FBXW7: variants seen among roughly 807,000 people sequenced by gnomAD.
FBXW7 encodes the protein F-box/WD repeat-containing protein 7.
Under a neutral mutation model 86.3 loss-of-function variants are expected in FBXW7, and 11 were observed. The ratio of observed to expected loss-of-function variants is 0.13; its 90% CI spans 0.08 to 0.21. The LOEUF is 0.21. Among genes scored for constraint, FBXW7 ranks in the 10% least tolerant of loss-of-function variants. FBXW7 has a pLI of 1.00. For missense variants in FBXW7, 488 were observed against 847.4 expected (o/e 0.58, Z 5.27); for synonymous variants, 313 against 297.9 (o/e 1.05, Z -0.52).
intron 4 of FBXW7, among the ~76,000 whole-genome samples, chr4:152,403,568 T>C (rs1156335586): frequency 6.6e-6 from 1 of 151,858 alleles, no homozygotes; most frequent in Non-Finnish European, 1.5e-5. Flanking sequence ...AATTTTTCCA[T>C]GGACAGGGGA....
chr4:152,507,895 A>G (rs989533194), intron 2 of FBXW7, among the ~76,000 whole-genome samples: 2 of 148,402 alleles, frequency 1.3e-5, no homozygotes, highest in African/African-American at 4.9e-5. Flanking sequence ...CTATTGGAGA[A>G]AAAAAAAAAA....
chr4:152,328,118 T>C, intron 11 of FBXW7, 90 bp downstream of exon 11: 3 of 992,292 alleles, frequency 3.0e-6, no homozygotes, highest in East Asian at 2.8e-5. Context: ...AAGAGCACAC[T>C]GTCACTATTT....
At chr4:152,403,596 G>C (rs1472048483) in intron 4 of FBXW7, among the ~76,000 whole-genome samples, 1 of 152,088 alleles carries the variant, frequency 6.6e-6, no homozygotes, top group Non-Finnish European at 1.5e-5. Context: ...GGATGGTTTG[G>C]GATGAAACTG....
chr4:152,359,879 C>G (rs1732765531), intron 4 of FBXW7, among the ~76,000 whole-genome samples: 3 of 152,098 alleles, frequency 2.0e-5, no homozygotes, highest in Admixed American at 2.0e-4. Flanking sequence ...TTTTAATAGT[C>G]TGGGAGTTCA....
At chr4:152,497,943 G>GA (rs1462242544) in intron 2 of FBXW7, among the ~76,000 whole-genome samples, 5 of 151,974 alleles carry the variant, frequency 3.3e-5, no homozygotes, top group African/African-American at 1.2e-4. Flanking sequence ...AACACATCTA[G>GA]AAAAAAACAC....
rs72721615 is a variant in FBXW7 at position 152,422,004 on chromosome 4, A to G, written c.-119-9475T>C. Reference sequence around the variant, plus strand: ...ATTGCCAGAATTACCAAAATGGGACACAGAGACACACAGTGAGCTGCTGGA... The same window carrying G: ...ATTGCCAGAATTACCAAAATGGGACGCAGAGACACACAGTGAGCTGCTGGA... On this transcript the variant is annotated intron_variant, in intron 2 of 13. Transcript: ENST00000281708. 3.6e-3 allele frequency among the ~76,000 whole-genome samples: 543 copies of G among 152,298 alleles called. 6 individuals carry two copies. The highest frequency in any genetic ancestry group is 6.6e-3 in the Non-Finnish European group (449 of 68,012).
At chr4:152,345,587 T>G (rs1171082587) in intron 6 of FBXW7, among the ~76,000 whole-genome samples, 1 of 152,032 alleles carries the variant, frequency 6.6e-6, no homozygotes, top group Non-Finnish European at 1.5e-5. Context: ...AAAAATGTCT[T>G]GAGACACTTT....
intron 2 of FBXW7, among the ~76,000 whole-genome samples, chr4:152,479,147 T>TA (rs1301037572): frequency 6.6e-6 from 1 of 152,144 alleles, no homozygotes; most frequent in Non-Finnish European, 1.5e-5. Flanking sequence ...CAGTTACACA[T>TA]AAGCTGAGCT....
intron 4 of FBXW7, among the ~76,000 whole-genome samples, chr4:152,385,938 G>A (rs1054174684): frequency 6.6e-6 from 1 of 151,808 alleles, no homozygotes; most frequent in South Asian, 2.1e-4. Context: ...ATTTTTTTGG[G>A]AGGATTCAAG....
intron 2 of FBXW7, among the ~76,000 whole-genome samples, chr4:152,441,493 T>C (rs540172070): frequency 1.3e-4 from 20 of 152,226 alleles, no homozygotes; most frequent in South Asian, 6.2e-4. Flanking sequence ...GTCTCATAAA[T>C]AGGAAGAAAG....
intron 2 of FBXW7, among the ~76,000 whole-genome samples, chr4:152,512,866 A>G (rs1748112271): frequency 6.6e-6 from 1 of 152,080 alleles, no homozygotes; most frequent in Non-Finnish European, 1.5e-5. Flanking sequence ...ATATTTATTT[A>G]TTTATTTATT....
intron 2 of FBXW7, among the ~76,000 whole-genome samples, chr4:152,515,501 G>A (rs532250001): frequency 9.8e-5 from 15 of 152,296 alleles, no homozygotes; most frequent in African/African-American, 3.1e-4. Flanking sequence ...TCACAACATA[G>A]CTGTCATTCC....
intron 2 of FBXW7, among the ~76,000 whole-genome samples, chr4:152,459,649 T>G (rs1516820): frequency 5.3e-5 from 8 of 151,954 alleles, no homozygotes; most frequent in African/African-American, 1.7e-4. Flanking sequence ...GACCCCCCAG[T>G]GGATGCTTGA....
At chr4:152,391,743 A>G (rs1356292954) in intron 4 of FBXW7, among the ~76,000 whole-genome samples, 3 of 152,288 alleles carry the variant, frequency 2.0e-5, no homozygotes, top group South Asian at 4.1e-4. Context: ...TGTTACAGAC[A>G]AAACTAAGGC....
At chr4:152,522,586 T>C (rs1749126545) in intron 2 of FBXW7, among the ~76,000 whole-genome samples, 1 of 152,136 alleles carries the variant, frequency 6.6e-6, no homozygotes, top group African/African-American at 2.4e-5. Context: ...TGCTGTCCTA[T>C]ACCTTGTTTA....
chr4:152,418,530 T>A (rs1738656383), intron 2 of FBXW7, among the ~76,000 whole-genome samples: 2 of 152,192 alleles, frequency 1.3e-5, no homozygotes, highest in Admixed American at 1.3e-4. Context: ...CAGATTTTCC[T>A]TCACTTGAAC....
At chr4:152,415,583 A>C (rs528918980) in intron 2 of FBXW7, among the ~76,000 whole-genome samples, 5 of 152,098 alleles carry the variant, frequency 3.3e-5, no homozygotes, top group Admixed American at 6.6e-5. Context: ...AAGTACCTGA[A>C]ATGCATGATG....
intron 4 of FBXW7, among the ~76,000 whole-genome samples, chr4:152,354,094 T>C (rs1413623397): frequency 2.0e-5 from 3 of 152,172 alleles, no homozygotes; most frequent in African/African-American, 4.8e-5. Flanking sequence ...AATGTTTACC[T>C]TTATAACTAA....
In FBXW7 at chr4:152,535,839, T is replaced by TCCGGCTCTGGCC. The variant is rs1561015018; in HGVS notation, c.-926_-925insGGCCAGAGCCGG. 7.7e-6 allele frequency: 3 copies of TCCGGCTCTGGCC among 389,466 alleles called. No individual in the cohort carries two copies. The highest frequency in any genetic ancestry group is 1.4e-5 in the Non-Finnish European group (3 of 221,054). The allele number at this position is 389,466 out of a possible 1,614,324, so 24.1% of individuals were successfully genotyped here. On this transcript the variant is annotated 5_prime_UTR_variant, in exon 1 of 14. Transcript: ENST00000281708. ...CTCAGGCTCGGGCTCCGGCTCTGGC[T>TCCGGCTCTGGCC]CCGGCTCCGGCGTGTGCAGCCGCCG... is the stretch of plus-strand genomic sequence containing the variant.
Sources: gnomAD v4.1 joint callset for allele counts (sites outside exome capture counted in the v4.1 genomes callset) on GRCh38, gnomAD v4.1.1 for gene constraint, MANE v1.5 for transcripts, NCBI Gene and HGNC (gene_info 2026-07-23, HGNC 2026-07-21) for gene names.